ITPK1: variants seen among roughly 807,000 people sequenced by gnomAD.
ITPK1 encodes the protein inositol 1,3,4-trisphosphate 5/6-kinase.
Under a neutral mutation model 45.3 loss-of-function variants are expected in ITPK1, and 21 were observed. The ratio of observed to expected loss-of-function variants is 0.46; its 90% CI spans 0.33 to 0.67. The LOEUF (loss-of-function observed/expected upper bound fraction) is 0.67. ITPK1 is among the 30% of genes least tolerant of loss of function. ITPK1 has a pLI of 0.02. For missense variants in ITPK1, 474 were observed against 573.5 expected (o/e 0.83, Z 1.77); for synonymous variants, 258 against 253.6 (o/e 1.02, Z -0.16).
At position 93,047,560 on chromosome 14, in the gene ITPK1, T is replaced by C. The variant is rs560596327; in HGVS notation, c.120+29035A>G. On this transcript the variant is annotated intron_variant, in intron 3 of 10. Transcript: ENST00000267615. ...GGGATGGAGGCAGAGACTACAGCGA[T>C]GCTCCCACAAGCCAAGGCGTGCCTG... Among the ~76,000 whole-genome samples, 301 of 152,318 alleles carry C rather than the reference T, an allele frequency of 2.0e-3. 1 individual carries two copies. Among genetic ancestry groups the C allele is most frequent in the Admixed American group, 2.9e-3 (45 of 15,298 alleles).
rs1305064125 is a variant in ITPK1 at position 93,032,297 on chromosome 14, C to A, written c.121-15496G>T. 6.6e-6 allele frequency among the ~76,000 whole-genome samples: 1 copy of A among 152,044 alleles called. No homozygotes were observed. Among genetic ancestry groups the A allele is most frequent in the Admixed American group, 6.6e-5 (1 of 15,258 alleles). On this transcript the variant is annotated intron_variant, in intron 3 of 10. Coordinates refer to ENST00000267615, the MANE Select transcript of ITPK1 (RefSeq NM_014216.6). This position sits in a 1 kb window ranked among gnomAD's most constrained non-coding sequence, Gnocchi z 4.0. ...CCCAGGAGGCGGAGGTTGCAGTGAG[C>A]CGAGATTACGCCACTGCACTCCAGG...
At chr14:92,949,837 C>T (rs1473295343) in intron 9 of ITPK1, among the ~76,000 whole-genome samples, 1 of 152,238 alleles carries the variant, frequency 6.6e-6, no homozygotes, top group Non-Finnish European at 1.5e-5. Flanking sequence ...GGACAAGATG[C>T]CTGGGGCCCT....
intron 5 of ITPK1, 141 bp downstream of exon 5, chr14:92,993,739 T>C (rs1321648050): frequency 7.9e-6 from 5 of 634,268 alleles, no homozygotes; most frequent in Non-Finnish European, 2.9e-6. Context: ...CCAGAATGAC[T>C]GCACCATGGA....
At chr14:93,042,657 C>A (rs116329845) in intron 3 of ITPK1, among the ~76,000 whole-genome samples, 3 of 152,058 alleles carry the variant, frequency 2.0e-5, no homozygotes, top group African/African-American at 7.3e-5. Flanking sequence ...GTGGCTGCAG[C>A]GCTCAGAGGG....
rs1440361937 is a variant in ITPK1 at position 93,115,238 on chromosome 14, C to A, written c.-75G>T. The A allele has an allele frequency of 3.9e-6, 4 of 1,035,082 alleles. No homozygotes were observed. Among genetic ancestry groups the A allele is most frequent in the Admixed American group, 2.1e-5 (1 of 48,262 alleles). The allele number at this position is 1,035,082 out of a possible 1,614,324, so 64.1% of individuals were successfully genotyped here. ...CGAGTCTGGCGGCCGGCGCGCGCCG[C>A]GAGCGAGTGGGCACCTCCTCCCGGC... On this transcript the variant is annotated 5_prime_UTR_variant, in exon 2 of 11. Coordinates refer to ENST00000267615, the MANE Select transcript of ITPK1 (RefSeq NM_014216.6).
chr14:93,078,370 A>G (rs1280087780), intron 2 of ITPK1, among the ~76,000 whole-genome samples: 3 of 152,206 alleles, frequency 2.0e-5, no homozygotes, highest in Non-Finnish European at 4.4e-5. Flanking sequence ...GGAACCTCAC[A>G]AAGGAGCCAC....
chr14:93,022,825 C>T (rs1168036622), intron 3 of ITPK1, among the ~76,000 whole-genome samples: 19 of 151,692 alleles, frequency 1.3e-4, no homozygotes, highest in Non-Finnish European at 1.0e-4. Context: ...TGTGCCTGGC[C>T]ATATCTCTTA....
Position 93,030,531 on chromosome 14 carries a change from G to A in ITPK1, c.121-13730C>T, listed in dbSNP as rs147289440. 3.9e-5 allele frequency among the ~76,000 whole-genome samples: 6 copies of A among 152,278 alleles called. 1 individual carries two copies. The highest frequency in any genetic ancestry group is 2.1e-4 in the South Asian group (1 of 4,826). On this transcript the variant is annotated intron_variant, in intron 3 of 10. Coordinates refer to ENST00000267615, the MANE Select transcript of ITPK1 (RefSeq NM_014216.6). ...ATTGCTCAAGCTCTGAAGATGCAAC[G>A]TGAAGATGACCGCCAGGTCCCTGTC...
At chr14:93,083,419 G>A (rs1258880607) in intron 2 of ITPK1, among the ~76,000 whole-genome samples, 2 of 152,136 alleles carry the variant, frequency 1.3e-5, no homozygotes, top group African/African-American at 2.4e-5. Context: ...GGACCTGAGC[G>A]CTGCAGCAAG....
At chr14:93,094,854 C>T (rs1351299042) in intron 2 of ITPK1, among the ~76,000 whole-genome samples, 1 of 152,236 alleles carries the variant, frequency 6.6e-6, no homozygotes, top group Non-Finnish European at 1.5e-5. Context: ...TGCACCGGCC[C>T]TACATGCCCA....
At chr14:92,981,195 G>A (rs1299165196) in intron 5 of ITPK1, among the ~76,000 whole-genome samples, 1 of 152,004 alleles carries the variant, frequency 6.6e-6, no homozygotes, top group Non-Finnish European at 1.5e-5. Context: ...CTCAATTTCT[G>A]GCCTCCATCC....
chr14:92,992,473 T>C lies in ITPK1; in HGVS notation c.364+1407A>G, dbSNP rs569281453. 3.3e-5 allele frequency among the ~76,000 whole-genome samples: 5 copies of C among 152,330 alleles called. No homozygotes were observed. The South Asian group carries it at 8.3e-4, about 25-fold the overall frequency. On this transcript the variant is annotated intron_variant, in intron 5 of 10. Transcript: ENST00000267615. ...CTAGCAAATAAAGGCTGCTGGCATG[T>C]GCTAAGAAAGCCTGCCTACATGGGG...
At chr14:92,999,789 C>T (rs909101804) in intron 4 of ITPK1, among the ~76,000 whole-genome samples, 2 of 152,228 alleles carry the variant, frequency 1.3e-5, no homozygotes, top group African/African-American at 2.4e-5. Flanking sequence ...CATTCACATA[C>T]GATGCAATTT....
chr14:93,045,914 A>G (rs980640763), intron 3 of ITPK1, among the ~76,000 whole-genome samples: 1 of 152,166 alleles, frequency 6.6e-6, no homozygotes, highest in South Asian at 2.1e-4. Context: ...AGTGCCCCCA[A>G]ATGAGGACCC....
chr14:92,941,617 G>A lies in ITPK1; in HGVS notation c.1189C>T (p.Pro397Ser), dbSNP rs773370289. The change falls in exon 11 of 11, where the codon CCC (proline) becomes TCC (serine). Residue 397 changes from proline to serine, a missense_variant. By Grantham distance (74) the Pro-to-Ser change is moderately conservative. Around this residue, in one of 2 missense-constraint regions of ITPK1, gnomAD observed 107 missense variants for 92.9 expected, o/e 1.15. Transcript: ENST00000267615. ...QRLGCNAGVS[P>S]SFQQHCVASL... is the part of the protein sequence containing the mutation. Reference sequence around the variant, plus strand: ...GCCACACAATGCTGCTGGAAGCTGGGCGACACGCCGGCGTTGCAGCCGAGT... The same window carrying A: ...GCCACACAATGCTGCTGGAAGCTGGACGACACGCCGGCGTTGCAGCCGAGT... 2.0e-4 allele frequency: 312 copies of A among 1,538,016 alleles called. No individual in the cohort carries two copies. The highest frequency in any genetic ancestry group is 2.6e-4 in the Non-Finnish European group (294 of 1,144,606).
chr14:93,009,607 C>G (rs757124130), intron 4 of ITPK1, among the ~76,000 whole-genome samples: 1 of 152,240 alleles, frequency 6.6e-6, no homozygotes, highest in Non-Finnish European at 1.5e-5. Flanking sequence ...GATTGTGTGG[C>G]TGTCTCCACC....
intron 3 of ITPK1, among the ~76,000 whole-genome samples, chr14:93,041,086 C>G (rs1172200404): frequency 6.6e-6 from 1 of 152,172 alleles, no homozygotes; most frequent in East Asian, 1.9e-4. Context: ...AACCTAATCC[C>G]CTGTCAGGAG....
At chr14:92,950,379 C>T (rs962176293) in intron 9 of ITPK1, among the ~76,000 whole-genome samples, 4 of 152,346 alleles carry the variant, frequency 2.6e-5, no homozygotes, top group Middle Eastern at 3.4e-3. Context: ...GGCCAGCCTG[C>T]GGGCGTCCAG....
chr14:92,969,070 T>C (rs1272623848), intron 5 of ITPK1, among the ~76,000 whole-genome samples: 2 of 152,100 alleles, frequency 1.3e-5, no homozygotes, highest in African/African-American at 4.8e-5. Context: ...GCCAAAAGCA[T>C]CCCGACACAC....
Sources: allele counts gnomAD v4.1 joint callset (sites outside exome capture counted in the v4.1 genomes callset), GRCh38; gene constraint gnomAD v4.1.1; regional missense constraint gnomAD v4.1.1; non-coding constraint Gnocchi (gnomAD v3.1); transcripts MANE v1.5; gene names NCBI Gene and HGNC (gene_info 2026-07-23, HGNC 2026-07-21).